IDH1: variants seen among roughly 807,000 people sequenced by gnomAD.
The protein encoded by IDH1 is isocitrate dehydrogenase [NADP] cytoplasmic.
Under a neutral mutation model 46.1 loss-of-function variants are expected in IDH1, and 33 were observed. The observed-to-expected ratio is 0.72, with a 90% CI of 0.54 to 0.96. The LOEUF (loss-of-function observed/expected upper bound fraction) is 0.96. Ranked by LOEUF, IDH1 falls within the 40% of genes least tolerant of loss-of-function variation. The pLI, the probability that IDH1 is intolerant of heterozygous loss-of-function variation, is 0.00. For missense variants in IDH1, 421 were observed against 515.7 expected (o/e 0.82, Z 1.78); for synonymous variants, 144 against 172.8 (o/e 0.83, Z 1.31).
At chr2:208,237,207 C>T (rs200227531) in intron 9 of IDH1, 38 bp from the exon 10 acceptor site, 2 of 1,076,706 alleles carry the variant, frequency 1.9e-6, no homozygotes, top group Admixed American at 1.8e-5. Context: ...TTTAGTTGGT[C>T]TCTGATATGG....
Position 208,243,308 on chromosome 2 carries a change from G to C in IDH1, c.698+119C>G, listed in dbSNP as rs531202846. ...CTCAGTTTTGCCCTTATCTTTAAGA[G>C]ACAGTGATGATTTTCACTCAATTTA... On this transcript the variant is annotated intron_variant, in intron 6 of 9. Transcript: ENST00000345146. 155 of 806,044 alleles carry C rather than the reference G, an allele frequency of 1.9e-4. No individual in the cohort carries two copies. In the Middle Eastern group the frequency reaches 3.9e-3, roughly 20 times the overall value. The allele number at this position is 806,044 out of a possible 1,614,324, so 49.9% of individuals were successfully genotyped here. A position where few individuals can be genotyped will look rare whatever the true frequency, so the allele number is the denominator to read the frequency against.
rs1335108805 is a variant in IDH1, at chr2:208,251,251, T to C, written c.122+179A>G. On this transcript the variant is annotated intron_variant, in intron 3 of 9. Coordinates refer to ENST00000345146, the MANE Select transcript of IDH1 (RefSeq NM_005896.4). ...TTTCCTGTTTCTCCTTCCCTTTTTT[T>C]TCCTTTTTTTTTTAAAGTGATGGGG... 7.7e-6 allele frequency: 4 copies of C among 521,548 alleles called. No homozygotes were observed. The African/African-American group carries it at 7.8e-5, about 10-fold the overall frequency. 32.3% of individuals were successfully genotyped at this position (521,548 alleles called of 1,614,324 possible). A position where few individuals can be genotyped will look rare whatever the true frequency, so the allele number is the denominator to read the frequency against.
At chr2:208,250,936 CCT>C (rs890486926) in intron 3 of IDH1, among the ~76,000 whole-genome samples, 8 of 152,180 alleles carry the variant, frequency 5.3e-5, no homozygotes, top group African/African-American at 1.9e-4. Flanking sequence ...TTTCTTACAT[CCT>C]CTCTTATTTC....
chr2:208,243,426 C>T lies in IDH1; in HGVS notation c.698+1G>A. The T allele has an allele frequency of 6.2e-7, 1 of 1,606,614 alleles. No homozygotes were observed. The highest frequency in any genetic ancestry group is 1.1e-5 in the South Asian group (1 of 90,946). On this transcript the variant is annotated splice_donor_variant, in intron 6 of 9. Transcript: ENST00000345146. LOFTEE classifies it high-confidence loss of function. Reference sequence around the variant, plus strand: ...AAAAGTTAAAAAAGAACTATAGTTACTTGTCATATATCTCCTGAAAGATGT... The same window carrying T: ...AAAAGTTAAAAAAGAACTATAGTTATTTGTCATATATCTCCTGAAAGATGT...
At chr2:208,252,761 C>T (rs912452772) in intron 2 of IDH1, among the ~76,000 whole-genome samples, 4 of 152,186 alleles carry the variant, frequency 2.6e-5, no homozygotes, top group Non-Finnish European at 5.9e-5. Context: ...GCGTCTGTTT[C>T]TTGACAAGCC....
intron 9 of IDH1, among the ~76,000 whole-genome samples, chr2:208,237,764 C>CA (rs11433971): frequency 0.38 from 36,694 of 97,500 alleles, 6,309 homozygotes; most frequent in Admixed American, 0.47. Context: ...ACTAAAAATA[C>CA]AAAAAAAAAA....
intron 3 of IDH1, among the ~76,000 whole-genome samples, chr2:208,250,782 AC>A (rs1034700744): frequency 6.6e-5 from 10 of 152,230 alleles, no homozygotes; most frequent in African/African-American, 2.2e-4. Flanking sequence ...CAACTAAGAA[AC>A]ATCATGAATT....
In IDH1 at chr2:208,239,850, A is replaced by G; in HGVS notation, c.991+13T>C. ...CACTCTCTGGTGAGAAATCAATGTA[A>G]ACACCATCTTACCAATGGGATTGGT... is the stretch of plus-strand genomic sequence containing the variant. On this transcript the variant is annotated intron_variant, in intron 8 of 9. Coordinates refer to ENST00000345146, the MANE Select transcript of IDH1 (RefSeq NM_005896.4). The G allele has an allele frequency of 1.9e-6, 3 of 1,614,050 alleles. No individual in the cohort carries two copies. The highest frequency in any genetic ancestry group is 2.5e-6 in the Non-Finnish European group (3 of 1,179,928).
At chr2:208,240,268 C>A in intron 7 of IDH1, 1 of 489,554 alleles carries the variant, frequency 2.0e-6, no homozygotes, top group South Asian at 2.0e-5. Context: ...GGTCCAACTG[C>A]CTACATTCCA....
chr2:208,241,861 T>C (rs1687925175), intron 7 of IDH1, 133 bp downstream of exon 7: 1 of 826,506 alleles, frequency 1.2e-6, no homozygotes, highest in East Asian at 2.6e-5. Context: ...TCCTTAGCTG[T>C]CAGGTAAGAC....
At chr2:208,247,940 T>C (rs759322986) in intron 4 of IDH1, 25 of 237,586 alleles carry the variant, frequency 1.1e-4, no homozygotes, top group Non-Finnish European at 1.7e-4. Flanking sequence ...TGTAGGGTGG[T>C]ACTCAAGCAT....
rs761344510 is a variant in IDH1, at chr2:208,248,556, A to G, written c.227T>C (p.Ile76Thr). The change falls in exon 4 of 10, where the codon ATC becomes ACC. Residue 76 changes from isoleucine to threonine, a missense_variant. Physicochemically the swap from Ile to Thr is moderately conservative, Grantham distance 89 (BLOSUM62 -1). Coordinates refer to ENST00000345146, the MANE Select transcript of IDH1 (RefSeq NM_005896.4). ...CTCAACCCTCTTCTCATCAGGAGTG[A>G]TAGTGGCACATTTGACGCCAACATT... ...KHNVGVKCAT[I>T]TPDEKRVEEF... 1 of 1,614,134 alleles carries G rather than the reference A, an allele frequency of 6.2e-7. No homozygotes were observed.
Position 208,248,573 on chromosome 2 carries a change from G to A in IDH1, c.210C>T (p.Gly70=), listed in dbSNP as rs1316446586. The A allele has an allele frequency of 1.7e-5, 28 of 1,613,910 alleles. No homozygotes were observed. Among genetic ancestry groups the A allele is most frequent in the Non-Finnish European group, 2.1e-5 (25 of 1,179,942 alleles). ...AAEAIKKHNV[G]VKCATITPDE... ...CAGGAGTGATAGTGGCACATTTGAC[G>A]CCAACATTATGCTTCTTTATAGCTT... The change falls in exon 4 of 10, where the codon GGC becomes GGT. Residue 70 remains glycine, a synonymous_variant. Coordinates refer to ENST00000345146, the MANE Select transcript of IDH1 (RefSeq NM_005896.4).
intron 9 of IDH1, among the ~76,000 whole-genome samples, chr2:208,238,122 G>A (rs1368879712): frequency 1.3e-5 from 2 of 148,374 alleles, no homozygotes; most frequent in East Asian, 2.1e-4. Flanking sequence ...TGCAAGCTCC[G>A]CCTCCCAGGT....
chr2:208,251,294 G>T, intron 3 of IDH1, 136 bp downstream of exon 3: 1 of 802,420 alleles, frequency 1.2e-6, no homozygotes, highest in Non-Finnish European at 2.1e-6. Context: ...CTGTTGCCCA[G>T]GCTGGACTTG....
chr2:208,245,778 G>GA (rs1688008048), intron 4 of IDH1, among the ~76,000 whole-genome samples: 1 of 63,820 alleles, frequency 1.6e-5, no homozygotes, highest in Non-Finnish European at 2.9e-5. Context: ...GAGGGTATTA[G>GA]ACCCCCCCCC....
intron 7 of IDH1, 101 bp downstream of exon 7, chr2:208,241,893 T>G: frequency 8.1e-7 from 1 of 1,235,542 alleles, no homozygotes; most frequent in Non-Finnish European, 1.2e-6. Context: ...AGGTTTAACA[T>G]TCCAAGATTT....
chr2:208,251,253 C>CT, intron 3 of IDH1, 177 bp downstream of exon 3: 9 of 437,948 alleles, frequency 2.1e-5, no homozygotes, highest in South Asian at 5.1e-5. Flanking sequence ...CCTTTTTTTT[C>CT]CTTTTTTTTT....
At position 208,244,313 on chromosome 2, in the gene IDH1, T is replaced by G. The variant is rs558477196; in HGVS notation, c.521-709A>C. On this transcript the variant is annotated intron_variant, in intron 5 of 9. Coordinates refer to ENST00000345146, the MANE Select transcript of IDH1 (RefSeq NM_005896.4). ...ATGAGCCAATTAAACCTCTTTTCTT[T>G]ATAACTTACGCAGCCTCAGGTATTT... Among the ~76,000 whole-genome samples, 5 of 152,326 alleles carry G rather than the reference T, an allele frequency of 3.3e-5. 1 individual carries two copies. Among genetic ancestry groups the G allele is most frequent in the African/African-American group, 1.2e-4 (5 of 41,566 alleles).
Sources: allele counts gnomAD v4.1 joint callset (sites outside exome capture counted in the v4.1 genomes callset), GRCh38; gene constraint gnomAD v4.1.1; transcripts MANE v1.5; gene names NCBI Gene and HGNC (gene_info 2026-07-23, HGNC 2026-07-21).